BMP7: variants seen among roughly 807,000 people sequenced by gnomAD.
The protein encoded by BMP7 is osteogenic protein 1.
In BMP7, 12 loss-of-function variants were observed where a neutral mutation model predicts 41.2. The observed-to-expected ratio is 0.29, with a 90% CI of 0.19 to 0.47. The LOEUF is 0.47. Among genes scored for constraint, BMP7 ranks in the 20% least tolerant of loss-of-function variants. BMP7 has a pLI of 0.99. For synonymous variants in BMP7, 248 were observed against 250.0 expected (o/e 0.99, Z 0.07); for missense variants, 467 against 606.0 (o/e 0.77, Z 2.41).
intron 3 of BMP7, among the ~76,000 whole-genome samples, chr20:57,198,365 G>T (rs1160044891): frequency 1.3e-5 from 2 of 152,096 alleles, no homozygotes; most frequent in African/African-American, 4.8e-5. Flanking sequence ...AGCACAGCCT[G>T]GGGGCTGGAA....
intron 2 of BMP7, among the ~76,000 whole-genome samples, chr20:57,203,027 A>G (rs1984659676): frequency 6.6e-6 from 1 of 152,136 alleles, no homozygotes; most frequent in Admixed American, 6.5e-5. Context: ...GCTCAACACT[A>G]CACTATCTCA....
rs570105885 is a variant in BMP7 at position 57,203,747 on chromosome 20, G to A, written c.612-1124C>T. ...ATATTTATACCTCTGTGTTGTACCA[G>A]AAACCAAGGCATAATGATGAACAAC... is the stretch of plus-strand genomic sequence containing the variant. On this transcript the variant is annotated intron_variant, in intron 2 of 6. Coordinates refer to ENST00000395863, the MANE Select transcript of BMP7 (RefSeq NM_001719.3). Among the ~76,000 whole-genome samples, 65 of 152,280 alleles carry A rather than the reference G, an allele frequency of 4.3e-4. 1 individual carries two copies. Among genetic ancestry groups the A allele is most frequent in the Non-Finnish European group, 8.5e-4 (58 of 68,022 alleles).
intron 3 of BMP7, among the ~76,000 whole-genome samples, chr20:57,192,755 G>GAA (rs201804411): frequency 1.5e-5 from 2 of 133,242 alleles, no homozygotes; most frequent in African/African-American, 5.5e-5. Flanking sequence ...AGCAGATTTT[G>GAA]AAAAAAAAAA....
At chr20:57,245,107 A>G (rs990219794) in intron 1 of BMP7, among the ~76,000 whole-genome samples, 1 of 152,210 alleles carries the variant, frequency 6.6e-6, no homozygotes, top group Non-Finnish European at 1.5e-5. Context: ...CATTTCTGAA[A>G]ACAGGAAGGT....
chr20:57,188,772 G>A (rs6123675), intron 3 of BMP7, among the ~76,000 whole-genome samples: 73,858 of 152,088 alleles, frequency 0.49, 20,594 homozygotes, highest in East Asian at 0.87. Context: ...GCAGCAGACT[G>A]GGAGCTCATG....
intron 3 of BMP7, among the ~76,000 whole-genome samples, chr20:57,186,864 C>A (rs1229754442): frequency 1.3e-5 from 2 of 152,212 alleles, no homozygotes; most frequent in Non-Finnish European, 2.9e-5. Context: ...ACCTTAACTC[C>A]CTTTAACGTT....
rs753143487 is a variant in BMP7, at chr20:57,265,809, TAGG to T, written c.311_313del (p.Ser104del). The T allele has an allele frequency of 3.1e-6, 5 of 1,607,760 alleles. No individual in the cohort carries two copies. Among genetic ancestry groups the T allele is most frequent in the African/African-American group, 1.3e-5 (1 of 74,660 alleles). ...GGTACTGAAGACGGCCTTGTAGGGG[TAGG>T]AGAAGCCCTGGCCGCCGGGCCCGCC... On this transcript the variant is annotated inframe_deletion, in exon 1 of 7. Transcript: ENST00000395863.
chr20:57,221,524 GGT>G (rs372864221), intron 2 of BMP7, among the ~76,000 whole-genome samples: 49 of 152,220 alleles, frequency 3.2e-4, no homozygotes, highest in African/African-American at 1.2e-3. Flanking sequence ...TGTGAAAGAG[GGT>G]GTGGGAGCAG....
chr20:57,186,393 A>G (rs988823838), intron 3 of BMP7, among the ~76,000 whole-genome samples: 2 of 152,240 alleles, frequency 1.3e-5, no homozygotes, highest in Admixed American at 1.3e-4. Context: ...AGAACACACT[A>G]TCTATCCACT....
At chr20:57,193,185 C>A (rs551792189) in intron 3 of BMP7, among the ~76,000 whole-genome samples, 1 of 152,214 alleles carries the variant, frequency 6.6e-6, no homozygotes, top group Admixed American at 6.5e-5. Flanking sequence ...CGTGTACAGA[C>A]GCCGGTACCC....
intron 4 of BMP7, among the ~76,000 whole-genome samples, chr20:57,181,127 T>C (rs1397142768): frequency 6.6e-6 from 1 of 152,122 alleles, no homozygotes; most frequent in East Asian, 1.9e-4. Context: ...TTCTGCCTTG[T>C]GATCAACCTG....
In BMP7 at chr20:57,261,232, C is replaced by CGGTT. The variant is rs2066152873; in HGVS notation, c.418+4472_418+4473insAACC. On this transcript the variant is annotated intron_variant, in intron 1 of 6. Coordinates refer to ENST00000395863, the MANE Select transcript of BMP7 (RefSeq NM_001719.3). The surrounding 1 kb of genome is among the most constrained non-coding windows in gnomAD (Gnocchi z 4.1). ...TACTACGCCATGGTAAAGCCCCAAA[C>CGGTT]CGTAGCTTGAGAGGGCTGCATCTCA... Among the ~76,000 whole-genome samples the CGGTT allele has an allele frequency of 6.6e-6, 1 of 152,172 alleles. No homozygotes were observed. Among genetic ancestry groups the CGGTT allele is most frequent in the Non-Finnish European group, 1.5e-5 (1 of 68,030 alleles).
rs1341638081 is a variant in BMP7 at position 57,186,727 on chromosome 20, T to G, written c.761-2808A>C. Among the ~76,000 whole-genome samples the G allele has an allele frequency of 3.3e-5, 5 of 151,710 alleles. No homozygotes were observed. In the East Asian group the frequency reaches 9.7e-4, roughly 29 times the overall value. Reference sequence around the variant, plus strand: ...CATCTGGAATTAACTTCACCTGGAGTCCCCCAGACGGGCCAGAAGTCAAGA... The same window carrying G: ...CATCTGGAATTAACTTCACCTGGAGGCCCCCAGACGGGCCAGAAGTCAAGA... On this transcript the variant is annotated intron_variant, in intron 3 of 6. Coordinates refer to ENST00000395863, the MANE Select transcript of BMP7 (RefSeq NM_001719.3).
intron 2 of BMP7, among the ~76,000 whole-genome samples, chr20:57,212,281 C>G (rs1427243352): frequency 2.6e-5 from 4 of 152,176 alleles, no homozygotes; most frequent in Admixed American, 6.5e-5. Flanking sequence ...GAAAAGCGTT[C>G]CCGGCAGAGA....
intron 1 of BMP7, among the ~76,000 whole-genome samples, chr20:57,257,258 G>A (rs1410863306): frequency 1.3e-5 from 2 of 152,140 alleles, no homozygotes; most frequent in Non-Finnish European, 2.9e-5. Context: ...AAGGGTCATC[G>A]AAATTTGGGA....
intron 4 of BMP7, among the ~76,000 whole-genome samples, chr20:57,179,436 G>A (rs1349230677): frequency 6.6e-6 from 1 of 152,250 alleles, no homozygotes; most frequent in Admixed American, 6.5e-5. Context: ...TGCTTACCAG[G>A]GAGCTGGGTC....
At chr20:57,208,401 C>G (rs1212121325) in intron 2 of BMP7, among the ~76,000 whole-genome samples, 1 of 152,120 alleles carries the variant, frequency 6.6e-6, no homozygotes, top group Non-Finnish European at 1.5e-5. Context: ...CACTTCACAC[C>G]CACTAGGATG....
chr20:57,223,695 T>C (rs1035193341), intron 2 of BMP7, among the ~76,000 whole-genome samples: 2 of 152,194 alleles, frequency 1.3e-5, no homozygotes, highest in Non-Finnish European at 2.9e-5. Context: ...GAAACAAAGC[T>C]GAAGTGTCCA....
rs567996651 is a variant in BMP7, at chr20:57,261,952, G to A, written c.418+3753C>T. On this transcript the variant is annotated intron_variant, in intron 1 of 6. Transcript: ENST00000395863. This position sits in a 1 kb window ranked among gnomAD's most constrained non-coding sequence, Gnocchi z 4.1. Reference sequence around the variant, plus strand: ...GCATAAAGCAAAAATCAAACTGCACGGCCTTCTCCCTACTCTTCAGCTACA... The same window carrying A: ...GCATAAAGCAAAAATCAAACTGCACAGCCTTCTCCCTACTCTTCAGCTACA... Among the ~76,000 whole-genome samples, 16 of 152,314 alleles carry A rather than the reference G, an allele frequency of 1.1e-4. No individual in the cohort carries two copies. The South Asian group carries it at 1.4e-3, about 14-fold the overall frequency.
Sources: gnomAD v4.1 joint callset for allele counts (sites outside exome capture counted in the v4.1 genomes callset) on GRCh38, gnomAD v4.1.1 for gene constraint, Gnocchi (gnomAD v3.1) non-coding constraint, MANE v1.5 for transcripts, NCBI Gene and HGNC (gene_info 2026-07-23, HGNC 2026-07-21) for gene names.